The following RARB variants were observed in gnomAD, a reference collection of about 807,000 sequenced individuals.
RARB encodes HBV-activated protein.
A neutral mutation model predicts 51.9 loss-of-function variants in RARB; 17 were observed. The observed-to-expected ratio is 0.33, with a 90% CI of 0.22 to 0.49. The LOEUF (loss-of-function observed/expected upper bound fraction) is 0.49. Ranked by LOEUF, RARB falls within the 20% of genes least tolerant of loss-of-function variation. The probability of loss-of-function intolerance (pLI) is 0.99; values close to 1 mark genes in which losing one functional copy is unlikely to be tolerated. For missense variants in RARB, 369 were observed against 550.8 expected (o/e 0.67, Z 3.30); for synonymous variants, 215 against 195.4 (o/e 1.10, Z -0.84).
intron 5 of RARB, among the ~76,000 whole-genome samples, chr3:25,371,633 A>C (rs1326051298): frequency 6.6e-6 from 1 of 152,234 alleles, no homozygotes; most frequent in Non-Finnish European, 1.5e-5. Flanking sequence ...GTTTTAAATA[A>C]ACGCTCGCCC....
At chr3:25,445,101 G>C (rs1353974255) in intron 1 of RARB, among the ~76,000 whole-genome samples, 1 of 151,842 alleles carries the variant, frequency 6.6e-6, no homozygotes, top group African/African-American at 2.4e-5. Flanking sequence ...AAGCACACAT[G>C]ACCACACCTG....
chr3:25,361,253 C>G (rs1320991599), intron 5 of RARB, among the ~76,000 whole-genome samples: 2 of 152,178 alleles, frequency 1.3e-5, no homozygotes, highest in Non-Finnish European at 2.9e-5. Flanking sequence ...GATATCCTTT[C>G]TTCTGATTTA....
At chr3:24,851,245 T>G (rs762309529) in intron 1 of RARB, among the ~76,000 whole-genome samples, 1 of 151,862 alleles carries the variant, frequency 6.6e-6, no homozygotes, top group African/African-American at 2.4e-5. Flanking sequence ...CTGGGCAGCA[T>G]GATGAGACCC....
intron 5 of RARB, among the ~76,000 whole-genome samples, chr3:25,321,206 G>C (rs976288310): frequency 2.0e-5 from 3 of 152,140 alleles, no homozygotes; most frequent in African/African-American, 7.2e-5. Context: ...CCCATTACAA[G>C]TTATGTGTGA....
At chr3:25,291,053 A>G (rs1180379002) in intron 5 of RARB, among the ~76,000 whole-genome samples, 2 of 152,186 alleles carry the variant, frequency 1.3e-5, no homozygotes, top group African/African-American at 4.8e-5. Context: ...CACTTATGTC[A>G]TACTTGGGCA....
chr3:25,087,125 G>C (rs1341600928), intron 3 of RARB, among the ~76,000 whole-genome samples: 2 of 152,068 alleles, frequency 1.3e-5, no homozygotes, highest in African/African-American at 4.8e-5. Context: ...TTGCTACAAA[G>C]AGCCTGTTTT....
chr3:25,262,793 G>A (rs73821769), intron 5 of RARB, among the ~76,000 whole-genome samples: 1,789 of 152,232 alleles, frequency 0.012, 36 homozygotes, highest in African/African-American at 0.04. Context: ...ATAGTTTTTA[G>A]GAGGTAGGAC....
intron 3 of RARB, among the ~76,000 whole-genome samples, chr3:25,526,084 T>C (rs190061169): frequency 6.6e-6 from 1 of 152,228 alleles, no homozygotes; most frequent in East Asian, 1.9e-4. Flanking sequence ...GGAAGGGACT[T>C]AGGACTGGCT....
intron 2 of RARB, among the ~76,000 whole-genome samples, chr3:24,974,146 G>GT (rs1192134612): frequency 1.8e-4 from 28 of 151,912 alleles, no homozygotes; most frequent in African/African-American, 6.5e-4. Context: ...GTTTTTTATG[G>GT]TTTTAACATA....
intron 2 of RARB, among the ~76,000 whole-genome samples, chr3:25,017,371 T>C (rs1447496104): frequency 7.1e-6 from 1 of 141,138 alleles, no homozygotes; most frequent in African/African-American, 3.1e-5. Context: ...AGTCAGTTCA[T>C]CATGTTTAAA....
chr3:25,192,584 G>A (rs750310934), intron 5 of RARB, among the ~76,000 whole-genome samples: 13 of 151,988 alleles, frequency 8.6e-5, no homozygotes, highest in Non-Finnish European at 1.6e-4. Flanking sequence ...TCTACTTGGG[G>A]CAGAACTGTT....
intron 3 of RARB, among the ~76,000 whole-genome samples, chr3:25,563,900 TGAA>T (rs1700372360): frequency 4.0e-5 from 6 of 151,450 alleles, no homozygotes; most frequent in South Asian, 4.2e-4. Flanking sequence ...TTTGCTAAGC[TGAA>T]TATAGAGAAC....
chr3:25,203,391 C>G (rs950625571), intron 5 of RARB, among the ~76,000 whole-genome samples: 7 of 152,114 alleles, frequency 4.6e-5, no homozygotes, highest in Non-Finnish European at 8.8e-5. Flanking sequence ...ATCCAATTTG[C>G]CAGTCTGTGT....
At chr3:25,547,911 G>A (rs1453382115) in intron 3 of RARB, among the ~76,000 whole-genome samples, 1 of 152,030 alleles carries the variant, frequency 6.6e-6, no homozygotes, top group Non-Finnish European at 1.5e-5. Context: ...TTTTTCTCAG[G>A]TGAAATACAA....
At chr3:25,417,057 A>C (rs988995229) in intron 5 of RARB, among the ~76,000 whole-genome samples, 2 of 152,126 alleles carry the variant, frequency 1.3e-5, no homozygotes, top group African/African-American at 4.8e-5. Flanking sequence ...CCCCCTCTCC[A>C]AATACAGCCC....
chr3:25,486,822 A>G (rs1487458057), intron 2 of RARB, among the ~76,000 whole-genome samples: 1 of 152,204 alleles, frequency 6.6e-6, no homozygotes, highest in African/African-American at 2.4e-5. Flanking sequence ...TGAATTTCTA[A>G]TAATGAATCC....
At chr3:25,336,443 G>C (rs774584509) in intron 5 of RARB, among the ~76,000 whole-genome samples, 3 of 152,134 alleles carry the variant, frequency 2.0e-5, no homozygotes, top group Non-Finnish European at 4.4e-5. Flanking sequence ...TATTCATTTA[G>C]TATTTGTTTA....
chr3:25,078,928 G>A (rs1327340559), intron 3 of RARB, among the ~76,000 whole-genome samples: 2 of 152,120 alleles, frequency 1.3e-5, no homozygotes, highest in African/African-American at 2.4e-5. Flanking sequence ...CTACAAAGGA[G>A]CCTGTTGAGA....
chr3:24,917,450 G>T (rs1232160844), intron 2 of RARB, among the ~76,000 whole-genome samples: 1 of 152,220 alleles, frequency 6.6e-6, no homozygotes, highest in East Asian at 1.9e-4. Flanking sequence ...ACAACTCAGT[G>T]ATGGACAACT....
Sources: gnomAD v4.1 joint callset for allele counts (sites outside exome capture counted in the v4.1 genomes callset) on GRCh38, gnomAD v4.1.1 for gene constraint, MANE v1.5 for transcripts, NCBI Gene and HGNC (gene_info 2026-07-23, HGNC 2026-07-21) for gene names.